ST18: variants seen among roughly 807,000 people sequenced by gnomAD.
ST18 encodes the protein suppression of tumorigenicity 18 protein.
ST18 carries 50 observed loss-of-function variants against 110.0 expected under a neutral mutation model. The ratio of observed to expected loss-of-function variants is 0.45; its 90% confidence interval spans 0.36 to 0.58. The LOEUF (loss-of-function observed/expected upper bound fraction) is 0.58, where lower values mean the gene tolerates loss of function less well. Ranked by LOEUF, ST18 falls within the 20% of genes least tolerant of loss-of-function variation. The pLI, the probability that ST18 is intolerant of heterozygous loss-of-function variation, is 0.00. For synonymous variants in ST18, 461 were observed against 452.4 expected (o/e 1.02, Z -0.24); for missense variants, 1,306 against 1,280.1 (o/e 1.02, Z -0.31).
intron 23 of ST18, among the ~76,000 whole-genome samples, chr8:52,124,707 C>A (rs1037154878): frequency 2.6e-5 from 4 of 152,114 alleles, no homozygotes; most frequent in African/African-American, 9.7e-5. Context: ...CTGGAAGAGG[C>A]AGGCCTGTCC....
chr8:52,314,496 ACT>A (rs2139783680), intron 2 of ST18, among the ~76,000 whole-genome samples: 1 of 152,280 alleles, frequency 6.6e-6, no homozygotes, highest in Non-Finnish European at 1.5e-5. Flanking sequence ...CTTGCCTTAA[ACT>A]CTGCTTAACT....
intron 8 of ST18, among the ~76,000 whole-genome samples, chr8:52,182,158 T>C (rs1431093191): frequency 2.0e-5 from 3 of 152,198 alleles, no homozygotes; most frequent in Non-Finnish European, 4.4e-5. Flanking sequence ...GGAAGTGGAT[T>C]CTAAAAATCA....
chr8:52,373,920 A>C (rs1371259442), intron 2 of ST18, among the ~76,000 whole-genome samples: 1 of 152,096 alleles, frequency 6.6e-6, no homozygotes, highest in Admixed American at 6.5e-5. Context: ...CCTCCAGGTC[A>C]CAGGCTACAA....
intron 15 of ST18, among the ~76,000 whole-genome samples, chr8:52,155,058 C>T (rs563429037): frequency 4.1e-4 from 63 of 151,832 alleles, no homozygotes; most frequent in Admixed American, 2.2e-3. Flanking sequence ...AAAAATTAGC[C>T]GGGTGTGCTG....
Position 52,178,642 on chromosome 8 carries a change from A to C in ST18, c.277+1480T>G, listed in dbSNP as rs201886225. Among the ~76,000 whole-genome samples, 23 of 109,944 alleles carry C rather than the reference A, an allele frequency of 2.1e-4. 5 individuals carry two copies. Among genetic ancestry groups the C allele is most frequent in the Middle Eastern group, 4.0e-3 (1 of 250 alleles). 72.1% of individuals were successfully genotyped at this position (109,944 alleles called of 152,430 possible). A position where few individuals can be genotyped will look rare whatever the true frequency, so the allele number is the denominator to read the frequency against. On this transcript the variant is annotated intron_variant, in intron 9 of 25. Coordinates refer to ENST00000689386, the MANE Select transcript of ST18 (RefSeq NM_001352837.2). ...AAAAAAAAAAAAAAAAAAAAAAAAA[A>C]ACCACCAAAAACCAAAATAAAACAA...
chr8:52,219,961 G>A (rs546140207), intron 5 of ST18, among the ~76,000 whole-genome samples: 2 of 152,266 alleles, frequency 1.3e-5, no homozygotes, highest in African/African-American at 2.4e-5. Context: ...TTTGCCAAAC[G>A]ACTCCAGCAA....
At chr8:52,186,199 G>T (rs2072123486) in intron 8 of ST18, among the ~76,000 whole-genome samples, 1 of 152,150 alleles carries the variant, frequency 6.6e-6, no homozygotes, top group South Asian at 2.1e-4. Context: ...CTTCTATACA[G>T]AATATATAAA....
intron 15 of ST18, among the ~76,000 whole-genome samples, chr8:52,151,980 T>C (rs536627987): frequency 1.8e-4 from 28 of 152,308 alleles, no homozygotes; most frequent in African/African-American, 5.3e-4. Flanking sequence ...ATATTTTAGT[T>C]TTTACAGGCA....
chr8:52,344,056 T>A (rs1410340672), intron 2 of ST18, among the ~76,000 whole-genome samples: 1 of 152,186 alleles, frequency 6.6e-6, no homozygotes, highest in African/African-American at 2.4e-5. Context: ...ATAATAGCTG[T>A]GTCATCATTA....
chr8:52,342,918 G>C (rs1467285624), intron 2 of ST18, among the ~76,000 whole-genome samples: 1 of 152,186 alleles, frequency 6.6e-6, no homozygotes, highest in Non-Finnish European at 1.5e-5. Context: ...ATACAAAAGT[G>C]AATGGCAAAA....
chr8:52,135,412 G>A (rs2051631439), intron 19 of ST18, among the ~76,000 whole-genome samples: 1 of 151,264 alleles, frequency 6.6e-6, no homozygotes, highest in South Asian at 2.1e-4. Context: ...AATACAAAAA[G>A]CACTCAGGCA....
intron 16 of ST18, among the ~76,000 whole-genome samples, chr8:52,148,000 G>A (rs2057798993): frequency 6.6e-6 from 1 of 152,184 alleles, no homozygotes; most frequent in Admixed American, 6.5e-5. Flanking sequence ...CTCGAGGGAT[G>A]TGAACACTGA....
intron 2 of ST18, among the ~76,000 whole-genome samples, chr8:52,289,288 C>T (rs1331673330): frequency 2.0e-5 from 3 of 152,076 alleles, no homozygotes; most frequent in Non-Finnish European, 4.4e-5. Flanking sequence ...GGTGGAACCC[C>T]GTGTCTACAA....
chr8:52,230,943 C>T (rs1345014752), intron 2 of ST18, among the ~76,000 whole-genome samples: 2 of 152,124 alleles, frequency 1.3e-5, no homozygotes, highest in Non-Finnish European at 1.5e-5. Flanking sequence ...GGTAAAAAGA[C>T]TTCCTGAAAA....
intron 8 of ST18, among the ~76,000 whole-genome samples, chr8:52,204,322 C>G (rs2079113712): frequency 6.6e-6 from 1 of 152,216 alleles, no homozygotes; most frequent in African/African-American, 2.4e-5. Context: ...AAGAGTTTTT[C>G]TAAGTAATTA....
intron 17 of ST18, among the ~76,000 whole-genome samples, chr8:52,141,926 T>C (rs571817859): frequency 6.6e-6 from 1 of 152,066 alleles, no homozygotes; most frequent in Non-Finnish European, 1.5e-5. Flanking sequence ...AGGACGGAGA[T>C]CAGAGGCACC....
At chr8:52,248,386 C>CT (rs1447350507) in intron 2 of ST18, 1 of 152,116 alleles carries the variant, frequency 6.6e-6, no homozygotes, top group Non-Finnish European at 1.5e-5. Context: ...ATTAACAATA[C>CT]TTTTTAAATG....
chr8:52,356,308 T>C (rs1285014247), intron 2 of ST18, among the ~76,000 whole-genome samples: 4 of 152,216 alleles, frequency 2.6e-5, no homozygotes, highest in Non-Finnish European at 5.9e-5. Context: ...TCTTTCTTTT[T>C]CTTTTTTTAG....
Position 52,110,923 on chromosome 8 carries a change from G to A in ST18, c.*2275C>T, listed in dbSNP as rs753149849. The A allele has an allele frequency of 3.0e-4, 118 of 396,244 alleles. No homozygotes were observed. Among genetic ancestry groups the A allele is most frequent in the Non-Finnish European group, 4.9e-4 (109 of 224,508 alleles). 24.5% of individuals were successfully genotyped at this position (396,244 alleles called of 1,614,324 possible). ...TGCTTTGATGTAAGAAATATTAAGT[G>A]TTTGGAGAAACAGTATACAAACAAA... On this transcript the variant is annotated 3_prime_UTR_variant, in exon 26 of 26. Transcript: ENST00000689386.
Sources: gnomAD v4.1 joint callset for allele counts (sites outside exome capture counted in the v4.1 genomes callset) on GRCh38, gnomAD v4.1.1 for gene constraint, MANE v1.5 for transcripts, NCBI Gene and HGNC (gene_info 2026-07-23, HGNC 2026-07-21) for gene names.